The following BTBD6 variants were observed in gnomAD, a reference collection of about 807,000 sequenced individuals.
The protein encoded by BTBD6 is BTB/POZ domain-containing protein 6.
Under a neutral mutation model 40.6 loss-of-function variants are expected in BTBD6, and 30 were observed. The observed-to-expected ratio is 0.74, with a 90% CI of 0.55 to 1.00. The LOEUF is 1.00. Ranked by LOEUF, BTBD6 falls within the 50% of genes least tolerant of loss-of-function variation. The pLI, the probability that BTBD6 is intolerant of heterozygous loss-of-function variation, is 0.00. For missense variants in BTBD6, 698 were observed against 694.6 expected (o/e 1.00, Z -0.06); for synonymous variants, 378 against 308.7 (o/e 1.22, Z -2.35).
intron 2 of BTBD6, 48 bp from the exon 3 acceptor site, chr14:105,249,312 C>T (rs745330704): frequency 1.3e-6 from 2 of 1,589,554 alleles, no homozygotes; most frequent in African/African-American, 1.3e-5. Flanking sequence ...GTGGCTGACA[C>T]GCAGCCTGCG....
Position 105,249,820 on chromosome 14 carries a change from G to A in BTBD6, c.765G>A (p.Glu255=), listed in dbSNP as rs1240473565. The A allele has an allele frequency of 1.2e-6, 2 of 1,613,588 alleles. No homozygotes were observed. The highest frequency in any genetic ancestry group is 1.7e-6 in the Non-Finnish European group (2 of 1,180,044). The change falls in exon 4 of 4, where the codon GAG becomes GAA. Residue 255 remains glutamate (E), a synonymous_variant. Transcript: ENST00000392554. The stretch of plus-strand genomic sequence containing the variant: ...AGAGCCGGCTGTTTGAGGAGCCCGA[G>A]CTGACGCAGCGCTGCTGGGAGGTCA... The part of the protein sequence containing the change: ...LSQSRLFEEP[E]LTQRCWEVID...
At position 105,249,153 on chromosome 14, in the gene BTBD6, G is replaced by A; in HGVS notation, c.375-4G>A. 6.4e-7 allele frequency: 1 copy of A among 1,570,908 alleles called. No homozygotes were observed. The highest frequency in any genetic ancestry group is 8.6e-7 in the Non-Finnish European group (1 of 1,165,812). On this transcript the variant is annotated splice_region_variant and splice_polypyrimidine_tract_variant and intron_variant, in intron 1 of 3. Coordinates refer to ENST00000392554, the MANE Select transcript of BTBD6 (RefSeq NM_001387567.1). ...GCCCCCAGCCCGTGCCTCTACCTTTGCAGGAACGCGCTCATGTTCAACAAC... is the reference window on the plus strand; with the variant it reads ...GCCCCCAGCCCGTGCCTCTACCTTTACAGGAACGCGCTCATGTTCAACAAC...
chr14:105,249,504 C>CG, intron 3 of BTBD6, 26 bp downstream of exon 3: 6 of 905,216 alleles, frequency 6.6e-6, no homozygotes, highest in Admixed American at 2.0e-5. Context: ...TGGGGAGGGA[C>CG]GGGTGGGTCC....
chr14:105,250,525 C>T lies in BTBD6; in HGVS notation c.1470C>T (p.Asp490=), dbSNP rs778312723. The change falls in exon 4 of 4, where the codon GAC becomes GAT. Residue 490 remains aspartate (D), a synonymous_variant. Coordinates refer to ENST00000392554, the MANE Select transcript of BTBD6 (RefSeq NM_001387567.1). The part of the protein sequence containing the change: ...DTFYTASAVL[D]GSELSYFGQE... Reference sequence around the variant, plus strand: ...TCTACACGGCCAGTGCCGTCCTGGACGGCAGCGAACTCAGCTACTTTGGGC... The same window carrying T: ...TCTACACGGCCAGTGCCGTCCTGGATGGCAGCGAACTCAGCTACTTTGGGC... The T allele has an allele frequency of 1.2e-5, 20 of 1,613,924 alleles. No homozygotes were observed. The highest frequency in any genetic ancestry group is 1.1e-4 in the South Asian group (10 of 91,078).
rs781041503 is a variant in BTBD6, at chr14:105,250,675, T to G, written c.*3T>G. The G allele has an allele frequency of 6.2e-7, 1 of 1,601,250 alleles. No individual in the cohort carries two copies. The highest frequency in any genetic ancestry group is 1.7e-5 in the Admixed American group (1 of 59,594). The stretch of plus-strand genomic sequence containing the variant: ...CTGAGCTCATTTTCTATGCCTGAGG[T>G]GCCCGGGGAGGCTGCAGCAGGTCAG... On this transcript the variant is annotated 3_prime_UTR_variant, in exon 4 of 4. Coordinates refer to ENST00000392554, the MANE Select transcript of BTBD6 (RefSeq NM_001387567.1).
In BTBD6 at chr14:105,248,586, C is replaced by CGGGA. The variant is rs2055319904; in HGVS notation, c.-125_-122dup. The CGGGA allele has an allele frequency of 1.1e-5, 3 of 263,912 alleles. No homozygotes were observed. Among genetic ancestry groups the CGGGA allele is most frequent in the African/African-American group, 1.3e-4 (2 of 15,866 alleles). 16.3% of individuals were successfully genotyped at this position (263,912 alleles called of 1,614,324 possible). On this transcript the variant is annotated 5_prime_UTR_variant, in exon 1 of 4. Coordinates refer to ENST00000392554, the MANE Select transcript of BTBD6 (RefSeq NM_001387567.1). ...GTACGGGCTCGGGCGGGCGGGCGGG[C>CGGGA]GGGACGGCGCCCCCCGCGGCCGGGC...
Position 105,248,683 on chromosome 14 carries a change from C to T in BTBD6, c.-29C>T, listed in dbSNP as rs1257366803. On this transcript the variant is annotated 5_prime_UTR_variant, in exon 1 of 4. Transcript: ENST00000392554. The stretch of plus-strand genomic sequence containing the variant: ...GGGGTGGCAGGGGAGCGGGTGGCAG[C>T]CCCGCGGGTCACAGCGCCGCCGCCG... 1.1e-5 allele frequency: 11 copies of T among 981,944 alleles called. No individual in the cohort carries two copies. In the African/African-American group the frequency reaches 1.9e-4, roughly 17 times the overall value. The allele number at this position is 981,944 out of a possible 1,614,324, so 60.8% of individuals were successfully genotyped here.
chr14:105,249,101 GCGGCCCCCGCGCCCGCGCGCGCCCA>G lies in BTBD6; in HGVS notation c.374+19_375-29del. ...TGCGCGAGAGGTGAGCCCGTGCCCC[GCGGCCCCCGCGCCCGCGCGCGCCCA>G]CGCCCCCAGCCCGTGCCTCTACCTT... On this transcript the variant is annotated intron_variant, in intron 1 of 3. Coordinates refer to ENST00000392554, the MANE Select transcript of BTBD6 (RefSeq NM_001387567.1). 6.7e-7 allele frequency: 1 copy of G among 1,491,116 alleles called. No homozygotes were observed. The highest frequency in any genetic ancestry group is 8.9e-7 in the Non-Finnish European group (1 of 1,128,828). 92.4% of individuals were successfully genotyped at this position (1,491,116 alleles called of 1,614,324 possible). A position where few individuals can be genotyped will look rare whatever the true frequency, so the allele number is the denominator to read the frequency against.
rs2055350863 is a variant in BTBD6, at chr14:105,248,836, G to A, written c.125G>A (p.Gly42Asp). The A allele has an allele frequency of 1.9e-5, 19 of 989,510 alleles. No individual in the cohort carries two copies. Among genetic ancestry groups the A allele is most frequent in the Non-Finnish European group, 2.2e-5 (18 of 834,158 alleles). 61.3% of individuals were successfully genotyped at this position (989,510 alleles called of 1,614,324 possible). A position where few individuals can be genotyped will look rare whatever the true frequency, so the allele number is the denominator to read the frequency against. ...GARARGAAST[G>D]AEAAPAAPPA... The stretch of plus-strand genomic sequence containing the variant: ...AGGGCGCGGGGCGCGGCGTCCACAG[G>A]CGCCGAGGCTGCCCCCGCCGCCCCG... Residue 42 changes from glycine (G) to aspartate (D), a missense_variant, in exon 1 of 4, where the codon GGC (glycine) becomes GAC (aspartate). Physicochemically the swap from Gly to Asp is moderately conservative, Grantham distance 94. Coordinates refer to ENST00000392554, the MANE Select transcript of BTBD6 (RefSeq NM_001387567.1).
rs755334763 is a variant in BTBD6 at position 105,249,179 on chromosome 14, G to A, written c.397G>A (p.Glu133Lys). Residue 133 changes from glutamate to lysine, a missense_variant, in exon 2 of 4, where the codon GAG (glutamate) becomes AAG (lysine). Glu to Lys is a moderately conservative substitution (Grantham distance 56). Transcript: ENST00000392554. ...CAGGAACGCGCTCATGTTCAACAAC[G>A]AGCTCATGGCCGACGTGCACTTCGT... ...RERNALMFNN[E>K]LMADVHFVVG... is the part of the protein sequence containing the mutation. The A allele has an allele frequency of 6.3e-7, 1 of 1,586,804 alleles. No homozygotes were observed. The highest frequency in any genetic ancestry group is 2.3e-5 in the East Asian group (1 of 44,404).
chr14:105,250,759 T>G lies in BTBD6; in HGVS notation c.*87T>G. 1 of 1,363,516 alleles carries G rather than the reference T, an allele frequency of 7.3e-7. No homozygotes were observed. Among genetic ancestry groups the G allele is most frequent in the Non-Finnish European group, 1.0e-6 (1 of 999,084 alleles). The allele number at this position is 1,363,516 out of a possible 1,614,324, so 84.5% of individuals were successfully genotyped here. On this transcript the variant is annotated 3_prime_UTR_variant, in exon 4 of 4. Transcript: ENST00000392554. ...GCTTCTTGACACCATGAAAGGCTGC[T>G]CTTAACTTTGTCTCTCTTTGACATG... is the stretch of plus-strand genomic sequence containing the variant.
In BTBD6 at chr14:105,249,667, G is replaced by A. The variant is rs2055465525; in HGVS notation, c.612G>A (p.Leu204=). The A allele has an allele frequency of 1.2e-6, 2 of 1,612,848 alleles. No homozygotes were observed. The highest frequency in any genetic ancestry group is 2.2e-5 in the East Asian group (1 of 44,880). The part of the protein sequence containing the change: ...LKYMYSDEID[L]EADTVLATLY... ...ACATGTACAGTGATGAGATCGATCT[G>A]GAAGCCGACACGGTGCTGGCCACTC... Residue 204 remains leucine, a synonymous_variant, in exon 4 of 4, where the codon CTG becomes CTA. Transcript: ENST00000392554.
Position 105,249,018 on chromosome 14 carries a change from C to G in BTBD6, c.307C>G (p.Pro103Ala). The change falls in exon 1 of 4, where the codon CCC (proline) becomes GCC (alanine). Residue 103 changes from proline (P) to alanine (A), a missense_variant. Coordinates refer to ENST00000392554, the MANE Select transcript of BTBD6 (RefSeq NM_001387567.1). ...PAPPPPAPAP[P>A]TLGNNHQESP... is the part of the protein sequence containing the mutation. The stretch of plus-strand genomic sequence containing the variant: ...GCCGCCGCCGCCCGCGCCCGCGCCG[C>G]CCACACTCGGCAACAACCACCAGGA... 8.8e-7 allele frequency: 1 copy of G among 1,138,340 alleles called. No homozygotes were observed. The highest frequency in any genetic ancestry group is 1.1e-6 in the Non-Finnish European group (1 of 930,350). 70.5% of individuals were successfully genotyped at this position (1,138,340 alleles called of 1,614,324 possible). A position where few individuals can be genotyped will look rare whatever the true frequency, so the allele number is the denominator to read the frequency against.
chr14:105,249,714 T>C lies in BTBD6; in HGVS notation c.659T>C (p.Ile220Thr). Residue 220 changes from isoleucine (I) to threonine (T), a missense_variant, in exon 4 of 4, where the codon ATC becomes ACC. Ile to Thr is a moderately conservative substitution (Grantham distance 89). Coordinates refer to ENST00000392554, the MANE Select transcript of BTBD6 (RefSeq NM_001387567.1). ...ACTCTGTACGCTGCTAAGAAGTACA[T>C]CGTCCCAGCATTGGCAAAAGCCTGT... ...LATLYAAKKY[I>T]VPALAKACVN... is the part of the protein sequence containing the mutation. 6.2e-7 allele frequency: 1 copy of C among 1,613,810 alleles called. No individual in the cohort carries two copies. Among genetic ancestry groups the C allele is most frequent in the Non-Finnish European group, 8.5e-7 (1 of 1,180,030 alleles).
At position 105,249,312 on chromosome 14, in the gene BTBD6, C is replaced by G. The variant is rs745330704; in HGVS notation, c.466-48C>G. The G allele has an allele frequency of 1.9e-6, 3 of 1,589,674 alleles. No homozygotes were observed. The South Asian group carries it at 3.4e-5, about 18-fold the overall frequency. ...CGCCCCGTCCGCCGTGTGGCTGACACGCAGCCTGCGGGAGAGCCAGGCTCA... is the reference window on the plus strand; with the variant it reads ...CGCCCCGTCCGCCGTGTGGCTGACAGGCAGCCTGCGGGAGAGCCAGGCTCA... On this transcript the variant is annotated intron_variant, in intron 2 of 3. Coordinates refer to ENST00000392554, the MANE Select transcript of BTBD6 (RefSeq NM_001387567.1).
Position 105,249,004 on chromosome 14 carries a change from C to CCG in BTBD6, c.297_298dup (p.Pro100ArgfsTer93), listed in dbSNP as rs2055375810. ...GCCCCCGCGCCAGCGCCGCCGCCGCCCGCGCCCGCGCCGCCCACACTCGGC... is the reference window on the plus strand; with the variant it reads ...GCCCCCGCGCCAGCGCCGCCGCCGCCCGCGCGCCCGCGCCGCCCACACTCGGC... On this transcript the variant is annotated frameshift_variant, in exon 1 of 4. Transcript: ENST00000392554. LOFTEE classifies it high-confidence loss of function. 1 of 1,048,578 alleles carries CCG rather than the reference C, an allele frequency of 9.5e-7. No homozygotes were observed. The highest frequency in any genetic ancestry group is 5.6e-5 in the Admixed American group (1 of 17,790). 65.0% of individuals were successfully genotyped at this position (1,048,578 alleles called of 1,614,324 possible).
chr14:105,250,303 A>G lies in BTBD6; in HGVS notation c.1248A>G (p.Ala416=). 6.2e-7 allele frequency: 1 copy of G among 1,613,272 alleles called. No homozygotes were observed. Among genetic ancestry groups the G allele is most frequent in the Non-Finnish European group, 8.5e-7 (1 of 1,180,028 alleles). ...GGCGCTGCGACAGCATCCAGTTTGC[A>G]GTGGACAGAAGGGTATTTATTGCAG... ...YRGRCDSIQF[A]VDRRVFIAGL... The change falls in exon 4 of 4, where the codon GCA becomes GCG. Residue 416 remains alanine, a synonymous_variant. Coordinates refer to ENST00000392554, the MANE Select transcript of BTBD6 (RefSeq NM_001387567.1).
Position 105,248,607 on chromosome 14 carries a change from CGGGCCTGGCCGGGCTGCGCTAGGCT to C in BTBD6, c.-100_-76del, listed in dbSNP as rs2055325502. The stretch of plus-strand genomic sequence containing the variant: ...CGGGCGGGACGGCGCCCCCCGCGGC[CGGGCCTGGCCGGGCTGCGCTAGGCT>C]GGGCTCGGGCAGGGTCGCAGGGGCG... On this transcript the variant is annotated 5_prime_UTR_variant, in exon 1 of 4. Coordinates refer to ENST00000392554, the MANE Select transcript of BTBD6 (RefSeq NM_001387567.1). The C allele has an allele frequency of 1.0e-6, 1 of 970,314 alleles. No individual in the cohort carries two copies. The highest frequency in any genetic ancestry group is 1.2e-6 in the Non-Finnish European group (1 of 821,564). The allele number at this position is 970,314 out of a possible 1,614,324, so 60.1% of individuals were successfully genotyped here.
At position 105,250,497 on chromosome 14, in the gene BTBD6, C is replaced by T. The variant is rs964637178; in HGVS notation, c.1442C>T (p.Thr481Ile). ...CACCCGGTCCAGGTTGAACAAGACA[C>T]CTTCTACACGGCCAGTGCCGTCCTG... ...FEHPVQVEQD[T>I]FYTASAVLDG... Residue 481 changes from threonine (T) to isoleucine (I), a missense_variant, in exon 4 of 4, where the codon ACC becomes ATC. Coordinates refer to ENST00000392554, the MANE Select transcript of BTBD6 (RefSeq NM_001387567.1). 57 of 1,613,912 alleles carry T rather than the reference C, an allele frequency of 3.5e-5. 1 individual carries two copies. The South Asian group carries it at 4.8e-4, about 14-fold the overall frequency.
Sources: gnomAD v4.1 joint callset for allele counts on GRCh38, gnomAD v4.1.1 for gene constraint, MANE v1.5 for transcripts, NCBI Gene and HGNC (gene_info 2026-07-23, HGNC 2026-07-21) for gene names.